Variants in ESRRG observed in about 807,000 individuals in gnomAD.
ESRRG encodes the protein estrogen related receptor gamma.
In ESRRG, 13 loss-of-function variants were observed where a neutral mutation model predicts 44.0. That is an observed-to-expected ratio of 0.30 (90% confidence interval 0.19 to 0.47). The LOEUF (loss-of-function observed/expected upper bound fraction) is 0.47, where lower values mean the gene tolerates loss of function less well. Among genes scored for constraint, ESRRG ranks in the 20% least tolerant of loss-of-function variants. The pLI is 1.00. For synonymous variants in ESRRG, 215 were observed against 214.6 expected (o/e 1.00, Z -0.02); for missense variants, 395 against 580.6 (o/e 0.68, Z 3.29).
chr1:217,037,991 C>T (rs962108000), intron 1 of ESRRG, among the ~76,000 whole-genome samples: 17 of 152,218 alleles, frequency 1.1e-4, no homozygotes, highest in Non-Finnish European at 2.1e-4. Flanking sequence ...TTCTCATAGT[C>T]TTGGGCAGCT....
chr1:216,928,278 C>T (rs1218681550), intron 2 of ESRRG, among the ~76,000 whole-genome samples: 2 of 152,104 alleles, frequency 1.3e-5, no homozygotes, highest in Non-Finnish European at 2.9e-5. Context: ...TTTTAGCCTC[C>T]ACTTTTTCTC....
chr1:217,000,118 T>G (rs1048346183), intron 1 of ESRRG: 1 of 152,154 alleles, frequency 6.6e-6, no homozygotes, highest in African/African-American at 2.4e-5. Flanking sequence ...CTAAGTGGAG[T>G]GCTATGTTTT....
At chr1:216,811,819 G>A (rs912938140) in intron 2 of ESRRG, among the ~76,000 whole-genome samples, 1 of 152,150 alleles carries the variant, frequency 6.6e-6, no homozygotes, top group African/African-American at 2.4e-5. Flanking sequence ...GCTGAAAAAA[G>A]GGTTTCCATT....
intron 2 of ESRRG, among the ~76,000 whole-genome samples, chr1:216,822,340 G>A (rs191087036): frequency 7.4e-4 from 112 of 152,252 alleles, no homozygotes; most frequent in Admixed American, 5.5e-3. Flanking sequence ...GCTAACAGTT[G>A]GAGGAAATCA....
intron 2 of ESRRG, among the ~76,000 whole-genome samples, chr1:216,772,137 G>A (rs1422213448): frequency 6.6e-6 from 1 of 152,102 alleles, no homozygotes; most frequent in Non-Finnish European, 1.5e-5. Context: ...ATGGTGAGCT[G>A]AAGAATGGAG....
At chr1:217,078,538 G>C (rs936953612) in intron 1 of ESRRG, among the ~76,000 whole-genome samples, 1 of 152,190 alleles carries the variant, frequency 6.6e-6, no homozygotes, top group African/African-American at 2.4e-5. Context: ...AATGTGGAAA[G>C]TATCTCCCCA....
In ESRRG at chr1:216,519,292, A is replaced by G. The variant is rs778694763; in HGVS notation, c.992T>C (p.Ile331Thr). The change falls in exon 6 of 7, where the codon ATA becomes ACA. Residue 331 changes from isoleucine (I) to threonine (T), a missense_variant. By Grantham distance (89) the Ile-to-Thr change is moderately conservative. This residue lies in a region of ESRRG where 167 missense variants were observed against 251.8 expected (regional missense o/e 0.66). Transcript: ENST00000408911. ...TAATTTGGACTGGTCTTCGTCCATT[A>G]TATAATCGTCTGCATAGACAAGTTC... Reference protein sequence around the residue: ...EDELVYADDYIMDEDQSKLAG... With the variant: ...EDELVYADDYTMDEDQSKLAG... The G allele has an allele frequency of 1.9e-6, 3 of 1,613,758 alleles. No individual in the cohort carries two copies. The highest frequency in any genetic ancestry group is 1.7e-6 in the Non-Finnish European group (2 of 1,179,864).
intron 2 of ESRRG, among the ~76,000 whole-genome samples, chr1:216,663,604 TA>T (rs1320424263): frequency 1.3e-5 from 2 of 151,008 alleles, no homozygotes; most frequent in African/African-American, 2.4e-5. Context: ...AAAAATAGAT[TA>T]AAAAAATTTT....
intron 2 of ESRRG, among the ~76,000 whole-genome samples, chr1:216,881,627 C>A (rs2149319472): frequency 6.6e-6 from 1 of 152,134 alleles, no homozygotes; most frequent in Middle Eastern, 3.4e-3. Context: ...TTGCTACCTC[C>A]CAGCTCCCCC....
At chr1:216,999,304 A>G (rs1441836621) in intron 1 of ESRRG, among the ~76,000 whole-genome samples, 1 of 152,210 alleles carries the variant, frequency 6.6e-6, no homozygotes, top group Non-Finnish European at 1.5e-5. Context: ...GTATGTAAAG[A>G]TATTGTTGTT....
At chr1:217,101,224 C>T (rs568916888) in intron 1 of ESRRG, among the ~76,000 whole-genome samples, 1 of 152,276 alleles carries the variant, frequency 6.6e-6, no homozygotes, top group South Asian at 2.1e-4. Context: ...TGCAGTCAAA[C>T]CCTTCCTGAC....
intron 1 of ESRRG, among the ~76,000 whole-genome samples, chr1:216,956,509 C>T (rs538392953): frequency 1.3e-5 from 2 of 152,252 alleles, no homozygotes; most frequent in South Asian, 2.1e-4. Context: ...ATCACTATCG[C>T]TTTGTAGTAT....
chr1:216,794,654 G>A (rs531948003), intron 2 of ESRRG, among the ~76,000 whole-genome samples: 1 of 152,252 alleles, frequency 6.6e-6, no homozygotes, highest in East Asian at 1.9e-4. Context: ...CCTAGACAAT[G>A]ATCTCCTCTG....
intron 3 of ESRRG, among the ~76,000 whole-genome samples, chr1:216,638,332 C>T (rs1021262631): frequency 6.6e-6 from 1 of 152,076 alleles, no homozygotes; most frequent in African/African-American, 2.4e-5. Flanking sequence ...TCTGAGATGG[C>T]ACAGCTAGTA....
chr1:216,510,757 C>A (rs1000984017), intron 6 of ESRRG, among the ~76,000 whole-genome samples: 2 of 151,980 alleles, frequency 1.3e-5, no homozygotes, highest in Non-Finnish European at 2.9e-5. Context: ...TAGTGGTGGG[C>A]GCCTGCAGTC....
intron 1 of ESRRG, among the ~76,000 whole-genome samples, chr1:217,023,332 G>A (rs758897713): frequency 1.3e-5 from 2 of 152,126 alleles, no homozygotes; most frequent in Non-Finnish European, 2.9e-5. Flanking sequence ...GACACCAGGA[G>A]GAGGGTTCCC....
At chr1:217,018,143 A>T (rs1426018833) in intron 1 of ESRRG, among the ~76,000 whole-genome samples, 1 of 152,206 alleles carries the variant, frequency 6.6e-6, no homozygotes, top group African/African-American at 2.4e-5. Flanking sequence ...TGGTTATTAA[A>T]TGTCTTCCTA....
At chr1:216,579,392 C>T (rs1433441695) in intron 3 of ESRRG, among the ~76,000 whole-genome samples, 1 of 151,954 alleles carries the variant, frequency 6.6e-6, no homozygotes, top group Non-Finnish European at 1.5e-5. Context: ...TCTAAACATA[C>T]CAAAATTTTT....
At chr1:216,929,353 A>C (rs1416896911) in intron 2 of ESRRG, among the ~76,000 whole-genome samples, 1 of 152,136 alleles carries the variant, frequency 6.6e-6, no homozygotes, top group Non-Finnish European at 1.5e-5. Context: ...AAAAGATGTG[A>C]CTCAATAGAA....
Sources: gnomAD v4.1 joint callset for allele counts (sites outside exome capture counted in the v4.1 genomes callset) on GRCh38, gnomAD v4.1.1 for gene constraint, gnomAD v4.1.1 regional missense constraint, MANE v1.5 for transcripts, NCBI Gene and HGNC (gene_info 2026-07-23, HGNC 2026-07-21) for gene names.